MID1: variants seen among roughly 807,000 people sequenced by gnomAD.
The protein encoded by MID1 is midline 1, also known as E3 ubiquitin-protein ligase Midline-1.
In MID1, 7 loss-of-function variants were observed where a neutral mutation model predicts 40.4. The observed-to-expected ratio is 0.17, with a 90% CI of 0.10 to 0.33. The LOEUF (loss-of-function observed/expected upper bound fraction) is 0.33, where lower values mean the gene tolerates loss of function less well. Among genes scored for constraint, MID1 ranks in the 10% least tolerant of loss-of-function variants. The pLI, the probability that MID1 is intolerant of heterozygous loss-of-function variation, is 1.00. For missense variants in MID1, 367 were observed against 558.5 expected (o/e 0.66, Z 3.46); for synonymous variants, 229 against 221.2 (o/e 1.04, Z -0.31).
intron 1 of MID1, among the ~76,000 whole-genome samples, chrX:10,711,354 A>T (rs1028626156): frequency 8.9e-6 from 1 of 112,158 alleles, no homozygotes; most frequent in African/African-American, 3.2e-5. Context: ...CAAGTTTCAA[A>T]TTATTAATGG....
At chrX:10,581,300 A>G (rs7876741) in intron 1 of MID1, among the ~76,000 whole-genome samples, 16,900 of 111,692 alleles carry the variant, frequency 0.15, 2,470 homozygotes, top group African/African-American at 0.45. Context: ...AACAAAAAAC[A>G]TGTAGTACCT....
chrX:10,792,567 T>A (rs1200026473), intron 1 of MID1, among the ~76,000 whole-genome samples: 1 of 111,843 alleles, frequency 8.9e-6, no homozygotes. Context: ...AAATATATAG[T>A]TCAAAAATAG....
intron 1 of MID1, among the ~76,000 whole-genome samples, chrX:10,741,429 C>CACAGG (rs1215879209): frequency 9.2e-6 from 1 of 108,349 alleles, no homozygotes; most frequent in African/African-American, 3.4e-5. Flanking sequence ...GTGATAACAA[C>CACAGG]ACAGGACGAG....
intron 1 of MID1, among the ~76,000 whole-genome samples, chrX:10,669,404 T>C (rs986156763): frequency 9.0e-6 from 1 of 111,313 alleles, no homozygotes; most frequent in African/African-American, 3.3e-5. Flanking sequence ...ACTAAAAACA[T>C]TATTTTAAAT....
chrX:10,547,818 T>A (rs1349040018), intron 2 of MID1, among the ~76,000 whole-genome samples: 8 of 111,033 alleles, frequency 7.2e-5, no homozygotes, highest in Admixed American at 6.7e-4. Flanking sequence ...GAACTCAAAT[T>A]TAAAGATGTT....
At chrX:10,500,107 G>T (rs1195211675) in intron 3 of MID1, among the ~76,000 whole-genome samples, 1 of 112,120 alleles carries the variant, frequency 8.9e-6, no homozygotes, top group Non-Finnish European at 1.9e-5. Context: ...TTAGTTTAGG[G>T]TCCATTCACT....
At chrX:10,684,574 T>G (rs1413450693) in intron 1 of MID1, among the ~76,000 whole-genome samples, 1 of 108,303 alleles carries the variant, frequency 9.2e-6, no homozygotes, top group Non-Finnish European at 1.9e-5. Flanking sequence ...GGCTATTTTT[T>G]TTTTTGTATT....
chrX:10,459,552 C>T lies in MID1; in HGVS notation c.1447+94G>A, dbSNP rs769176397. Reference sequence around the variant, plus strand: ...TTGTTTTGGGGGGCTGTCAATGATACCCAAGACAGAGAAAAGGAAAAGAAA... The same window carrying T: ...TTGTTTTGGGGGGCTGTCAATGATATCCAAGACAGAGAAAAGGAAAAGAAA... On this transcript the variant is annotated intron_variant, in intron 8 of 9. Coordinates refer to ENST00000317552, the MANE Select transcript of MID1 (RefSeq NM_000381.4). 3.8e-5 allele frequency: 38 copies of T among 1,001,702 alleles called. No homozygotes were observed. The Admixed American group carries it at 5.7e-4, about 15-fold the overall frequency. The allele number at this position is 1,001,702 out of a possible 1,213,427, so 82.6% of individuals were successfully genotyped here.
At chrX:10,700,420 C>A (rs967336677) in intron 1 of MID1, among the ~76,000 whole-genome samples, 1 of 110,620 alleles carries the variant, frequency 9.0e-6, no homozygotes. Context: ...GCCATGGTGG[C>A]ATGCACCTCT....
At chrX:10,832,533 G>A (rs1243929233) in intron 1 of MID1, among the ~76,000 whole-genome samples, 1 of 112,130 alleles carries the variant, frequency 8.9e-6, no homozygotes, top group Non-Finnish European at 1.9e-5. Context: ...GTCTGTATAT[G>A]ACAGAAAACA....
rs182840169 is a variant in MID1 at position 10,637,781 on chromosome X, C to A, written c.-186-17362G>T. On this transcript the variant is annotated intron_variant, in intron 1 of 10. Transcript: ENST00000380785. ...TCCTAATTAATGCCTGAAAAAGAGA[C>A]AGCAGCTATTTGGAAGTACAAGGAA... 2.9e-3 allele frequency among the ~76,000 whole-genome samples: 327 copies of A among 111,471 alleles called. 1 individual carries two copies. Among genetic ancestry groups the A allele is most frequent in the Non-Finnish European group, 5.1e-3 (273 of 53,121 alleles).
At chrX:10,760,365 T>G (rs2147119753) in intron 1 of MID1, among the ~76,000 whole-genome samples, 1 of 112,242 alleles carries the variant, frequency 8.9e-6, no homozygotes, top group African/African-American at 3.2e-5. Context: ...TTACATTCTT[T>G]ATGCCAAAAC....
intron 8 of MID1, among the ~76,000 whole-genome samples, chrX:10,457,055 G>T (rs1355090903): frequency 8.9e-6 from 1 of 111,902 alleles, no homozygotes; most frequent in African/African-American, 3.3e-5. Context: ...TATGAAGACA[G>T]TTTTGCTTAA....
intron 1 of MID1, among the ~76,000 whole-genome samples, chrX:10,779,476 T>C (rs181074400): frequency 8.9e-6 from 1 of 111,841 alleles, no homozygotes; most frequent in East Asian, 2.8e-4. Context: ...CCTGGCGAGG[T>C]AGGAAACTTT....
chrX:10,541,237 A>T (rs1933456887), intron 2 of MID1, among the ~76,000 whole-genome samples: 1 of 112,253 alleles, frequency 8.9e-6, no homozygotes, highest in East Asian at 2.8e-4. Flanking sequence ...GCCTGGAAAG[A>T]TGCTGTCACA....
At chrX:10,569,880 A>C (rs1264811692) in intron 1 of MID1, among the ~76,000 whole-genome samples, 2 of 111,640 alleles carry the variant, frequency 1.8e-5, no homozygotes, top group Non-Finnish European at 3.8e-5. Flanking sequence ...ACATCACCTC[A>C]TCTCTATTAT....
At chrX:10,718,769 C>T (rs1375960941) in intron 1 of MID1, among the ~76,000 whole-genome samples, 2 of 111,780 alleles carry the variant, frequency 1.8e-5, no homozygotes, top group African/African-American at 6.5e-5. Context: ...GACCAATATA[C>T]CTGATGAACA....
At chrX:10,566,522 CCTCTCTCTCCCTCTCTCTCTCT>C (rs1468539392) in intron 2 of MID1, among the ~76,000 whole-genome samples, 90 of 82,261 alleles carry the variant, frequency 1.1e-3, no homozygotes, top group Non-Finnish European at 1.7e-3. Flanking sequence ...CCTCTCTCTC[CCTCTCTCTCCCTCTCTCTCTCT>C]CTCTCTCTCT....
chrX:10,738,304 T>C (rs1455854093), intron 1 of MID1, among the ~76,000 whole-genome samples: 3 of 111,797 alleles, frequency 2.7e-5, no homozygotes, highest in African/African-American at 6.5e-5. Context: ...GGGTGGAAAG[T>C]AGAGGTTGTA....
Sources: gnomAD v4.1 joint callset for allele counts (sites outside exome capture counted in the v4.1 genomes callset) on GRCh38, gnomAD v4.1.1 for gene constraint, MANE v1.5 for transcripts, NCBI Gene and HGNC (gene_info 2026-07-23, HGNC 2026-07-21) for gene names.